Variants in MDGA2 observed in about 807,000 individuals in gnomAD.
MDGA2 encodes MAM domain containing glycosylphosphatidylinositol anchor 2, also known as MAM domain-containing glycosylphosphatidylinositol anchor protein 2.
MDGA2 carries 40 observed loss-of-function variants against 117.8 expected under a neutral mutation model. That is an observed-to-expected ratio of 0.34 (90% CI 0.26 to 0.44). The LOEUF is 0.44. MDGA2 is among the 20% of genes least tolerant of loss of function. The pLI, the probability that MDGA2 is intolerant of heterozygous loss-of-function variation, is 1.00. For synonymous variants in MDGA2, 452 were observed against 439.0 expected, an observed-to-expected ratio of 1.03 and a Z score of -0.37; for missense variants, 1,123 against 1,250.6, an observed-to-expected ratio of 0.90 and a Z score of 1.54.
chr14:47,476,265 T>G (rs1566475959), intron 1 of MDGA2, among the ~76,000 whole-genome samples: 1 of 152,044 alleles, frequency 6.6e-6, no homozygotes, highest in Admixed American at 6.6e-5. Context: ...AATATTCGAG[T>G]GCACAATTCA....
At position 47,569,068 on chromosome 14, in the gene MDGA2, C is replaced by G. The variant is rs137955207; in HGVS notation, c.280+105449G>C. Among the ~76,000 whole-genome samples the G allele has an allele frequency of 7.9e-3, 1,198 of 151,620 alleles. 19 individuals are homozygous for G. The highest frequency in any genetic ancestry group is 0.028 in the African/African-American group (1,137 of 41,324). ...CTGATTACTGAAATAAATAATATAT[C>G]TAACCTTGTGGAGTTTTTTGTTTTT... On this transcript the variant is annotated intron_variant, in intron 1 of 16. Transcript: ENST00000399232.
At chr14:47,191,205 T>A (rs955252208) in intron 3 of MDGA2, among the ~76,000 whole-genome samples, 1 of 151,930 alleles carries the variant, frequency 6.6e-6, no homozygotes, top group Non-Finnish European at 1.5e-5. Flanking sequence ...ATCTCATGCA[T>A]ATTAGCACTT....
At position 47,587,662 on chromosome 14, in the gene MDGA2, G is replaced by T. The variant is rs1014409202; in HGVS notation, c.280+86855C>A. ...AAATACTTGCATGTTTCTGTTCAAA[G>T]TATTCATTGCCCTGAATTTTATTTT... On this transcript the variant is annotated intron_variant, in intron 1 of 16. Transcript: ENST00000399232. 7.9e-5 allele frequency among the ~76,000 whole-genome samples: 12 copies of T among 151,916 alleles called. No homozygotes were observed. In the South Asian group the frequency reaches 1.7e-3, roughly 21 times the overall value.
At chr14:46,918,857 G>C (rs965643383) in intron 10 of MDGA2, among the ~76,000 whole-genome samples, 5 of 150,482 alleles carry the variant, frequency 3.3e-5, no homozygotes, top group African/African-American at 1.2e-4. Context: ...CGCCTCCCAG[G>C]TTCACGCCAT....
At chr14:47,584,892 C>G (rs1896296105) in intron 1 of MDGA2, among the ~76,000 whole-genome samples, 1 of 151,754 alleles carries the variant, frequency 6.6e-6, no homozygotes, top group African/African-American at 2.4e-5. Context: ...GCTCCCTGTC[C>G]TTAGAATGCC....
rs373592965 is a variant in MDGA2 at position 47,260,554 on chromosome 14, G to A, written c.420+40857C>T. On this transcript the variant is annotated intron_variant, in intron 2 of 16. Transcript: ENST00000399232. The stretch of plus-strand genomic sequence containing the variant: ...CAGTACCCACAGTGTAATTTTTAAA[G>A]GTTTAGAAACATCATAGAAAAAATT... Among the ~76,000 whole-genome samples, 26 of 152,086 alleles carry A rather than the reference G, an allele frequency of 1.7e-4. No homozygotes were observed. In the South Asian group the frequency reaches 2.9e-3, roughly 17 times the overall value.
chr14:47,323,432 C>A (rs1890049474), intron 1 of MDGA2, among the ~76,000 whole-genome samples: 1 of 151,424 alleles, frequency 6.6e-6, no homozygotes, highest in Non-Finnish European at 1.5e-5. Context: ...TCGAGACTAG[C>A]CTGGCCAATA....
chr14:47,316,897 T>G (rs968579953), intron 1 of MDGA2, among the ~76,000 whole-genome samples: 1 of 152,148 alleles, frequency 6.6e-6, no homozygotes, highest in African/African-American at 2.4e-5. Flanking sequence ...TCTATTTTAA[T>G]TAATGGTTGA....
intron 10 of MDGA2, among the ~76,000 whole-genome samples, chr14:46,893,519 C>T (rs1456587185): frequency 6.6e-6 from 1 of 151,448 alleles, no homozygotes; most frequent in African/African-American, 2.4e-5. Flanking sequence ...CACATATACC[C>T]ACATATTGAC....
chr14:46,959,674 C>T (rs1269147740), intron 8 of MDGA2, among the ~76,000 whole-genome samples: 1 of 151,832 alleles, frequency 6.6e-6, no homozygotes, highest in Non-Finnish European at 1.5e-5. Context: ...TCTTTATTGC[C>T]TTCTTTTAGA....
intron 8 of MDGA2, among the ~76,000 whole-genome samples, chr14:46,978,455 C>T (rs765230024): frequency 3.3e-5 from 5 of 151,934 alleles, no homozygotes; most frequent in Non-Finnish European, 5.9e-5. Context: ...TGTTTTGCTG[C>T]TGATATTAAT....
At chr14:46,882,307 T>A in intron 10 of MDGA2, 86 bp from the exon 11 acceptor site, 1 of 1,218,012 alleles carries the variant, frequency 8.2e-7, no homozygotes, top group Non-Finnish European at 1.1e-6. Flanking sequence ...TGAAATTTTA[T>A]TAAATCAAAA....
chr14:46,977,623 C>G (rs1886515163), intron 8 of MDGA2, among the ~76,000 whole-genome samples: 3 of 151,860 alleles, frequency 2.0e-5, no homozygotes, highest in Non-Finnish European at 4.4e-5. Context: ...ATTTTATATG[C>G]TGATAGTTCT....
intron 2 of MDGA2, among the ~76,000 whole-genome samples, chr14:47,239,283 G>T (rs963304347): frequency 6.7e-6 from 1 of 150,038 alleles, no homozygotes; most frequent in Non-Finnish European, 1.5e-5. Flanking sequence ...CTGTCACATT[G>T]CTTTAGTTTC....
At chr14:46,888,591 G>T (rs886294689) in intron 10 of MDGA2, among the ~76,000 whole-genome samples, 1 of 151,796 alleles carries the variant, frequency 6.6e-6, no homozygotes, top group African/African-American at 2.4e-5. Flanking sequence ...AAGGTCTCAG[G>T]AGGAAAAAAC....
chr14:47,388,498 C>T (rs1286950062), intron 1 of MDGA2, among the ~76,000 whole-genome samples: 1 of 152,124 alleles, frequency 6.6e-6, no homozygotes, highest in African/African-American at 2.4e-5. Context: ...CTTCTGCCTA[C>T]CTTACTCTTT....
intron 9 of MDGA2, among the ~76,000 whole-genome samples, chr14:46,946,037 GA>G (rs1038395071): frequency 6.6e-6 from 1 of 151,730 alleles, no homozygotes; most frequent in Non-Finnish European, 1.5e-5. Context: ...TTAGCACAAA[GA>G]AAAAAACAAA....
intron 3 of MDGA2, among the ~76,000 whole-genome samples, chr14:47,189,431 T>A (rs1401909779): frequency 1.3e-5 from 2 of 152,168 alleles, no homozygotes; most frequent in Non-Finnish European, 2.9e-5. Flanking sequence ...TAGGTTTAAG[T>A]ACCTCTGCTT....
chr14:47,206,835 G>A (rs73248092), intron 3 of MDGA2, among the ~76,000 whole-genome samples: 4 of 152,028 alleles, frequency 2.6e-5, no homozygotes, highest in African/African-American at 9.6e-5. Context: ...GATGCAGTGA[G>A]AGCTATTATT....
Sources: gnomAD v4.1 joint callset for allele counts (sites outside exome capture counted in the v4.1 genomes callset) on GRCh38, gnomAD v4.1.1 for gene constraint, MANE v1.5 for transcripts, NCBI Gene and HGNC (gene_info 2026-07-23, HGNC 2026-07-21) for gene names.